PLA2G2A: variants seen among roughly 807,000 people sequenced by gnomAD.
The protein encoded by PLA2G2A is phospholipase A2 group IIA.
Under a neutral mutation model 11.2 loss-of-function variants are expected in PLA2G2A, and 6 were observed. The ratio of observed to expected loss-of-function variants is 0.54; its 90% CI spans 0.29 to 1.06. PLA2G2A has a LOEUF of 1.06. Among genes scored for constraint, PLA2G2A ranks in the 50% least tolerant of loss-of-function variants. PLA2G2A has a pLI of 0.08. For synonymous variants in PLA2G2A, 69 were observed against 65.8 expected (o/e 1.05, Z -0.23); for missense variants, 133 against 177.1 (o/e 0.75, Z 1.41).
downstream of PLA2G2A, chr1:19,975,443 T>C (rs2046205745): frequency 1.9e-6 from 1 of 532,696 alleles, no homozygotes; most frequent in African/African-American, 1.9e-5. Flanking sequence ...CATGATTTGC[T>C]AATTGCTTTA....
At chr1:19,979,838 G>C (rs2046277318), upstream of PLA2G2A, 2 of 152,306 alleles carry the variant, frequency 1.3e-5, no homozygotes, top group South Asian at 4.1e-4. Flanking sequence ...ACACATTTCA[G>C]GCAGTTTTGC....
chr1:19,977,743 T>C (rs1202012485), intron 4 of PLA2G2A, among the ~76,000 whole-genome samples: 8 of 152,226 alleles, frequency 5.3e-5, no homozygotes, highest in Non-Finnish European at 1.2e-4. Context: ...TCCTCTTCCC[T>C]GACTCTCTGC....
At chr1:19,979,733 C>T (rs1312706407), upstream of PLA2G2A, 5 of 152,384 alleles carry the variant, frequency 3.3e-5, no homozygotes, top group African/African-American at 4.8e-5. Context: ...GGATTGGTCG[C>T]CCATACCCCT....
At chr1:19,978,773 T>C (rs371298761) in exon 2 of PLA2G2A, 25 of 1,614,026 alleles carry the variant, frequency 1.5e-5, no homozygotes, top group Non-Finnish European at 2.0e-5. Context: ...AGGGTCTTCA[T>C]GGTAAGAGTT....
chr1:19,978,248 A>T, intron 3 of PLA2G2A, 127 bp from the exon 4 acceptor site: 1 of 1,374,702 alleles, frequency 7.3e-7, no homozygotes, highest in Non-Finnish European at 1.0e-6. Flanking sequence ...CAGAAGTTCC[A>T]ACATGCCGGC....
intron 4 of PLA2G2A, among the ~76,000 whole-genome samples, chr1:19,976,855 C>T (rs908058965): frequency 2.0e-5 from 3 of 152,230 alleles, no homozygotes; most frequent in African/African-American, 7.2e-5. Context: ...ATGGAAACAG[C>T]TTCCCCTGAG....
At chr1:19,979,432 TCACA>T in intron 1 of PLA2G2A, 144 bp downstream of exon 1, 1 of 158,678 alleles carries the variant, frequency 6.3e-6, no homozygotes, top group Non-Finnish European at 1.4e-5. Flanking sequence ...TACACTACAC[TCACA>T]TACTCACTCA....
chr1:19,978,358 A>T (rs953559490), intron 3 of PLA2G2A, 22 bp downstream of exon 3: 49 of 1,609,560 alleles, frequency 3.0e-5, no homozygotes, highest in Non-Finnish European at 4.0e-5. Flanking sequence ...CTAGGAGGGT[A>T]GGGAGGGATA....
chr1:19,978,146 C>G, intron 3 of PLA2G2A, 25 bp from the exon 4 acceptor site: 1 of 1,547,342 alleles, frequency 6.5e-7, no homozygotes, highest in African/African-American at 1.4e-5. Context: ...CCTGTTGGGG[C>G]TCTTGTCCCA....
chr1:19,979,192 C>T (rs943502075), intron 1 of PLA2G2A: 12 of 247,292 alleles, frequency 4.9e-5, no homozygotes, highest in Non-Finnish European at 6.4e-5. Context: ...ATGTGTCCCT[C>T]GCTAGACATA....
intron 1 of PLA2G2A, among the ~76,000 whole-genome samples, chr1:19,979,338 A>G (rs1006582212): frequency 2.0e-5 from 3 of 152,080 alleles, no homozygotes; most frequent in African/African-American, 7.2e-5. Context: ...CACATACACA[A>G]GTTCCCAAAC....
In PLA2G2A at chr1:19,978,379, C is replaced by T; in HGVS notation, c.185+1G>A. 3 of 1,611,942 alleles carry T rather than the reference C, an allele frequency of 1.9e-6. No homozygotes were observed. The highest frequency in any genetic ancestry group is 2.2e-5 in the South Asian group (2 of 90,938). On this transcript the variant is annotated splice_donor_variant, in intron 3 of 4. Transcript: ENST00000482011. LOFTEE classifies it high-confidence loss of function. ...GGGTAGGGAGGGATAGGTGGCCTCACCGATCCGTTGCATCCTTGGGGGATC... is the reference window on the plus strand; with the variant it reads ...GGGTAGGGAGGGATAGGTGGCCTCATCGATCCGTTGCATCCTTGGGGGATC...
At chr1:19,976,975 C>T (rs1242281572) in intron 4 of PLA2G2A, among the ~76,000 whole-genome samples, 1 of 152,200 alleles carries the variant, frequency 6.6e-6, no homozygotes, top group African/African-American at 2.4e-5. Flanking sequence ...GACTCCTTGA[C>T]CTTCTCGCTC....
chr1:19,978,145 G>T, intron 3 of PLA2G2A, 24 bp from the exon 4 acceptor site: 1 of 1,541,792 alleles, frequency 6.5e-7, no homozygotes, highest in Non-Finnish European at 9.0e-7. Context: ...CCCTGTTGGG[G>T]CTCTTGTCCC....
At chr1:19,975,929 C>G in intron 4 of PLA2G2A, 86 bp from the exon 5 acceptor site, 1 of 1,140,288 alleles carries the variant, frequency 8.8e-7, no homozygotes, top group Non-Finnish European at 1.3e-6. Context: ...GAAGACACAG[C>G]CCTGTCCTCC....
rs377564297 is a variant in PLA2G2A at position 19,979,247 on chromosome 1, G to A, written c.-107+333C>T. ...GGATTCAAGGCTTGGAGTCTCCAAG[G>A]CACCCATGGAGGCTCGGCCTCAGTA... On this transcript the variant is annotated intron_variant, in intron 1 of 4. Transcript: ENST00000482011. 8.5e-5 allele frequency among the ~76,000 whole-genome samples: 13 copies of A among 152,186 alleles called. No individual in the cohort carries two copies. The East Asian group carries it at 2.5e-3, about 29-fold the overall frequency.
chr1:19,978,270 C>G, intron 3 of PLA2G2A, 110 bp downstream of exon 3: 1 of 1,438,716 alleles, frequency 7.0e-7, no homozygotes, highest in Non-Finnish European at 9.7e-7. Context: ...GCTTTTCCAG[C>G]CAGGCCATCC....
exon 5 of PLA2G2A, chr1:19,975,709 G>T: frequency 6.2e-7 from 1 of 1,613,746 alleles, no homozygotes; most frequent in Non-Finnish European, 8.5e-7. Flanking sequence ...ACTCAGCAAC[G>T]AGGGGTGCTC....
chr1:19,975,550 T>C (rs774828849), downstream of PLA2G2A: 34 of 718,026 alleles, frequency 4.7e-5, no homozygotes, highest in Non-Finnish European at 7.3e-5. Flanking sequence ...GGATGTCTCA[T>C]TCTGGGTGGG....
Sources: allele counts gnomAD v4.1 joint callset (sites outside exome capture counted in the v4.1 genomes callset), GRCh38; gene constraint gnomAD v4.1.1; transcripts MANE v1.5; gene names NCBI Gene and HGNC (gene_info 2026-07-23, HGNC 2026-07-21).